The following LRP8 variants were observed in gnomAD, a reference collection of about 807,000 sequenced individuals.
The protein encoded by LRP8 is low-density lipoprotein receptor-related protein 8.
A neutral mutation model predicts 111.6 loss-of-function variants in LRP8; 46 were observed. The observed-to-expected ratio is 0.41, with a 90% CI of 0.33 to 0.53. The LOEUF (loss-of-function observed/expected upper bound fraction) is 0.53. Ranked by LOEUF, LRP8 falls within the 20% of genes least tolerant of loss-of-function variation. The pLI, the probability that LRP8 is intolerant of heterozygous loss-of-function variation, is 0.20. For synonymous variants in LRP8, 464 were observed against 511.2 expected (o/e 0.91, Z 1.24); for missense variants, 959 against 1,297.4 (o/e 0.74, Z 4.01).
At position 53,244,286 on chromosome 1, in the gene LRP8, C is replaced by T. The variant is rs952882013; in HGVS notation, c.*2732G>A. ...TTCCTGCAGAAGGAAATGGAGGAAA[C>T]GCACTGGGACTGGCTTCTGATAAAT... On this transcript the variant is annotated 3_prime_UTR_variant, in exon 19 of 19. Coordinates refer to ENST00000306052, the MANE Select transcript of LRP8 (RefSeq NM_004631.5). 1.3e-5 allele frequency: 2 copies of T among 152,220 alleles called. No individual in the cohort carries two copies. Among genetic ancestry groups the T allele is most frequent in the Non-Finnish European group, 2.9e-5 (2 of 68,046 alleles). The allele number at this position is 152,220 out of a possible 1,614,324, so 9.4% of individuals were successfully genotyped here.
At chr1:53,259,562 G>A (rs1646249166) in intron 13 of LRP8, among the ~76,000 whole-genome samples, 1 of 151,236 alleles carries the variant, frequency 6.6e-6, no homozygotes, top group South Asian at 2.1e-4. Flanking sequence ...GAACAAATTC[G>A]TCAAACCTAT....
At chr1:53,287,666 G>C (rs1647781752) in intron 3 of LRP8, among the ~76,000 whole-genome samples, 1 of 152,174 alleles carries the variant, frequency 6.6e-6, no homozygotes, top group South Asian at 2.1e-4. Context: ...GTGTGTTTTT[G>C]AAGGAAGTCT....
intron 2 of LRP8, among the ~76,000 whole-genome samples, chr1:53,321,326 TG>T (rs1256106955): frequency 6.6e-6 from 1 of 152,014 alleles, no homozygotes; most frequent in African/African-American, 2.4e-5. Context: ...TGTGGGCATT[TG>T]GGGGGCAGGT....
intron 4 of LRP8, among the ~76,000 whole-genome samples, chr1:53,280,250 A>G (rs1263129149): frequency 6.6e-6 from 1 of 152,198 alleles, no homozygotes; most frequent in African/African-American, 2.4e-5. Context: ...AGCAGATGTC[A>G]GACATGGTAA....
chr1:53,257,513 C>T (rs1557754884), intron 14 of LRP8, 49 bp from the exon 15 acceptor site: 1 of 1,457,132 alleles, frequency 6.9e-7, no homozygotes, highest in East Asian at 2.3e-5. Context: ...ATTTTGTTGC[C>T]TAAGGTATTG....
In LRP8 at chr1:53,266,391, G is replaced by A; in HGVS notation, c.1427+82C>T. On this transcript the variant is annotated intron_variant, in intron 9 of 18. Transcript: ENST00000306052. This position sits in a 1 kb window ranked among gnomAD's most constrained non-coding sequence, Gnocchi z 5.0. Reference sequence around the variant, plus strand: ...TCTGTCCTGAGGAGCTCTAGAGGCAGACACCACTCCTCCCCTCCTCACCTG... The same window carrying A: ...TCTGTCCTGAGGAGCTCTAGAGGCAAACACCACTCCTCCCCTCCTCACCTG... 6.9e-7 allele frequency: 1 copy of A among 1,451,126 alleles called. No individual in the cohort carries two copies. Among genetic ancestry groups the A allele is most frequent in the Non-Finnish European group, 9.5e-7 (1 of 1,047,930 alleles). The allele number at this position is 1,451,126 out of a possible 1,614,324, so 89.9% of individuals were successfully genotyped here.
At chr1:53,295,824 C>T (rs1048285150) in intron 2 of LRP8, among the ~76,000 whole-genome samples, 6 of 152,106 alleles carry the variant, frequency 3.9e-5, no homozygotes, top group African/African-American at 1.4e-4. Flanking sequence ...TGTTTATTTC[C>T]CAAGAAACAA....
At chr1:53,268,012 C>T (rs765078652) in intron 8 of LRP8, 1 of 152,432 alleles carries the variant, frequency 6.6e-6, no homozygotes, top group Non-Finnish European at 1.5e-5. Flanking sequence ...AGCACAGAGT[C>T]AGGTAGGGCC....
intron 2 of LRP8, among the ~76,000 whole-genome samples, chr1:53,306,370 G>A (rs1275213029): frequency 2.6e-5 from 4 of 152,172 alleles, no homozygotes; most frequent in Non-Finnish European, 4.4e-5. Context: ...TGTCTAGCTG[G>A]GTGGCACTCC....
chr1:53,257,585 C>A, intron 14 of LRP8, 121 bp from the exon 15 acceptor site: 2 of 719,712 alleles, frequency 2.8e-6, no homozygotes, highest in Admixed American at 2.4e-5. Context: ...TTCTGTGAAG[C>A]CTTTCCTAAT....
chr1:53,262,711 A>G lies in LRP8; in HGVS notation c.1656-147T>C, dbSNP rs1646390917. On this transcript the variant is annotated intron_variant, in intron 10 of 18. Transcript: ENST00000306052. This position sits in a 1 kb window ranked among gnomAD's most constrained non-coding sequence, Gnocchi z 4.8. ...CCTCTAAAGTTCTTTTGAACCATCA[A>G]ATCTTAGATTTAGCAGGCACTTTAG... 2.2e-5 allele frequency: 15 copies of G among 691,544 alleles called. No homozygotes were observed. Among genetic ancestry groups the G allele is most frequent in the South Asian group, 2.0e-4 (12 of 59,728 alleles). The allele number at this position is 691,544 out of a possible 1,614,324, so 42.8% of individuals were successfully genotyped here.
At chr1:53,314,249 C>A (rs1378915555) in intron 2 of LRP8, among the ~76,000 whole-genome samples, 2 of 151,930 alleles carry the variant, frequency 1.3e-5, no homozygotes, top group Non-Finnish European at 2.9e-5. Context: ...CATAACGATA[C>A]CTTTGCCTCC....
At chr1:53,280,858 T>C in intron 3 of LRP8, 143 bp from the exon 4 acceptor site, 1 of 1,025,124 alleles carries the variant, frequency 9.8e-7, no homozygotes, top group Non-Finnish European at 1.4e-6. Flanking sequence ...CTCAGTTTCA[T>C]CAGCTGAGAA....
chr1:53,274,611 A>AG, intron 6 of LRP8: 2 of 444,578 alleles, frequency 4.5e-6, no homozygotes, highest in Non-Finnish European at 9.1e-6. Context: ...GTGTCAGGGC[A>AG]GGGGGCACTG....
At position 53,257,226 on chromosome 1, in the gene LRP8, A is replaced by G; in HGVS notation, c.2434+14T>C. ...CTCCCATGTCATGAAAGAATGCAGA[A>G]CTCATTTCCTTACAGTGCTGGGAGT... is the stretch of plus-strand genomic sequence containing the variant. On this transcript the variant is annotated intron_variant, in intron 15 of 18. Transcript: ENST00000306052. 6.2e-7 allele frequency: 1 copy of G among 1,613,208 alleles called. No individual in the cohort carries two copies. The highest frequency in any genetic ancestry group is 8.5e-7 in the Non-Finnish European group (1 of 1,179,550).
chr1:53,277,426 T>A (rs530861682), intron 4 of LRP8, among the ~76,000 whole-genome samples: 1 of 152,244 alleles, frequency 6.6e-6, no homozygotes, highest in African/African-American at 2.4e-5. Flanking sequence ...ACACTGACCC[T>A]TCCCAGGGAC....
chr1:53,302,881 T>C (rs1264161070), intron 2 of LRP8, among the ~76,000 whole-genome samples: 1 of 109,860 alleles, frequency 9.1e-6, no homozygotes, highest in Non-Finnish European at 1.9e-5. Context: ...TGGATTTTTG[T>C]TGTAGAGACA....
At chr1:53,309,643 C>T (rs1172352329) in intron 2 of LRP8, among the ~76,000 whole-genome samples, 7 of 152,268 alleles carry the variant, frequency 4.6e-5, no homozygotes, top group African/African-American at 1.7e-4. Flanking sequence ...GGCATCTCGT[C>T]AGAGAGGCCA....
At chr1:53,305,100 C>T (rs1651691179) in intron 2 of LRP8, 1 of 152,212 alleles carries the variant, frequency 6.6e-6, no homozygotes, top group Admixed American at 6.5e-5. Flanking sequence ...AACCTTCCTC[C>T]CAGAACTAAG....
Sources: allele counts gnomAD v4.1 joint callset (sites outside exome capture counted in the v4.1 genomes callset), GRCh38; gene constraint gnomAD v4.1.1; non-coding constraint Gnocchi (gnomAD v3.1); transcripts MANE v1.5; gene names NCBI Gene and HGNC (gene_info 2026-07-23, HGNC 2026-07-21).